Variants in NRG1 observed in about 807,000 individuals in gnomAD.
The protein encoded by NRG1 is pro-neuregulin-1, membrane-bound isoform.
Under a neutral mutation model 63.8 loss-of-function variants are expected in NRG1, and 18 were observed. The observed-to-expected ratio is 0.28, with a 90% CI of 0.19 to 0.42. NRG1 has a LOEUF of 0.42. Among genes scored for constraint, NRG1 ranks in the 10% least tolerant of loss-of-function variants. The pLI is 1.00. For synonymous variants in NRG1, 302 were observed against 301.3 expected, an observed-to-expected ratio of 1.00 and a Z score of -0.02; for missense variants, 762 against 814.7, an observed-to-expected ratio of 0.94 and a Z score of 0.79.
chr8:32,085,849 G>A (rs1381875), intron 1 of NRG1, among the ~76,000 whole-genome samples: 46,619 of 152,162 alleles, frequency 0.31, 7,795 homozygotes, highest in East Asian at 0.68. Context: ...GAAGTCTGAA[G>A]TCATCAGCTT....
intron 1 of NRG1, among the ~76,000 whole-genome samples, chr8:31,928,352 TAAAA>T (rs77001238): frequency 7.1e-4 from 57 of 80,112 alleles, no homozygotes; most frequent in African/African-American, 2.6e-3. Context: ...ATGGATGTGG[TAAAA>T]AAAAAAAAAA....
intron 1 of NRG1, among the ~76,000 whole-genome samples, chr8:31,797,584 A>G (rs1220465003): frequency 6.6e-6 from 1 of 152,244 alleles, no homozygotes; most frequent in Non-Finnish European, 1.5e-5. Flanking sequence ...TAGAACTACC[A>G]TATGATCCAA....
chr8:32,010,621 A>G (rs976750669), intron 1 of NRG1, among the ~76,000 whole-genome samples: 4 of 152,072 alleles, frequency 2.6e-5, no homozygotes, highest in African/African-American at 9.7e-5. Context: ...TAAAGTGTCA[A>G]TCAGTCAAAT....
At chr8:32,764,392 T>C (rs1831250007) in exon 12 of NRG1, 4 of 1,576,510 alleles carry the variant, frequency 2.5e-6, no homozygotes, top group Non-Finnish European at 2.6e-6. Flanking sequence ...CAAGACCCTA[T>C]TGCTGTATAA....
chr8:32,656,760 A>G (rs1394677050), intron 5 of NRG1, among the ~76,000 whole-genome samples: 2 of 152,206 alleles, frequency 1.3e-5, no homozygotes, highest in Non-Finnish European at 2.9e-5. Context: ...AATCTAGAGT[A>G]TGTTTTGCCT....
Position 32,463,874 on chromosome 8 carries a change from C to CTTTT in NRG1, c.38-131918_38-131915dup, listed in dbSNP as rs756489856. On this transcript the variant is annotated intron_variant, in intron 1 of 10. Transcript: ENST00000519301. ...ACACACACGAAAAAAACTTAGAATT[C>CTTTT]TTTTTTTTTTTTTTTTTTTTTTTTT... Among the ~76,000 whole-genome samples, 259 of 42,336 alleles carry CTTTT rather than the reference C, an allele frequency of 6.1e-3. 52 individuals are homozygous for CTTTT. Among genetic ancestry groups the CTTTT allele is most frequent in the Middle Eastern group, 0.021 (1 of 48 alleles). The allele number at this position is 42,336 out of a possible 152,430, so 27.8% of individuals were successfully genotyped here.
At chr8:32,475,820 C>A in intron 1 of NRG1, among the ~76,000 whole-genome samples, 1 of 152,194 alleles carries the variant, frequency 6.6e-6, no homozygotes. Context: ...CTATCACTCA[C>A]AGGTTCTGTG....
intron 1 of NRG1, among the ~76,000 whole-genome samples, chr8:32,301,976 G>C (rs932965429): frequency 2.6e-5 from 4 of 152,170 alleles, no homozygotes; most frequent in African/African-American, 2.4e-5. Context: ...TGACTGGGGG[G>C]AGTGAATGTA....
chr8:32,759,415 T>C (rs897541949), exon 10 of NRG1: 7 of 1,613,414 alleles, frequency 4.3e-6, no homozygotes, highest in Admixed American at 1.7e-5. Context: ...TCCACTACTG[T>C]CACCCAGACT....
At chr8:32,280,693 T>A (rs1211544399) in intron 1 of NRG1, among the ~76,000 whole-genome samples, 1 of 81,800 alleles carries the variant, frequency 1.2e-5, no homozygotes, top group African/African-American at 6.8e-5. Context: ...TTTTTTTTGT[T>A]TTTTTTTTTT....
intron 1 of NRG1, among the ~76,000 whole-genome samples, chr8:32,282,429 G>T (rs552105075): frequency 6.6e-6 from 1 of 152,186 alleles, no homozygotes; most frequent in Non-Finnish European, 1.5e-5. Context: ...TTTACTGTCC[G>T]CCTTCCATGA....
At chr8:32,212,203 A>G (rs1844767307) in intron 1 of NRG1, among the ~76,000 whole-genome samples, 1 of 152,162 alleles carries the variant, frequency 6.6e-6, no homozygotes, top group Non-Finnish European at 1.5e-5. Context: ...TGACCATAAA[A>G]TAGGGGCAGG....
chr8:31,790,655 G>T (rs1463575859), intron 1 of NRG1, among the ~76,000 whole-genome samples: 1 of 152,160 alleles, frequency 6.6e-6, no homozygotes, highest in South Asian at 2.1e-4. Context: ...TTCAACACAT[G>T]ACTTCATTTC....
rs372403236 is a variant in NRG1 at position 32,327,619 on chromosome 8, G to A, written c.38-268209G>A. ...GTTTAACTTGGATAAAATAAGCAGAGAAATGACAAATGTGTTCACATATGT... is the reference window on the plus strand; with the variant it reads ...GTTTAACTTGGATAAAATAAGCAGAAAAATGACAAATGTGTTCACATATGT... On this transcript the variant is annotated intron_variant, in intron 1 of 10. Transcript: ENST00000519301. Among the ~76,000 whole-genome samples the A allele has an allele frequency of 4.6e-5, 7 of 152,318 alleles. 2 individuals carry two copies. The highest frequency in any genetic ancestry group is 6.5e-5 in the Admixed American group (1 of 15,298).
chr8:31,781,852 A>G (rs1819717011), intron 1 of NRG1, among the ~76,000 whole-genome samples: 1 of 152,090 alleles, frequency 6.6e-6, no homozygotes, highest in Non-Finnish European at 1.5e-5. Flanking sequence ...GGAAGAGTAA[A>G]GAATACTAAA....
chr8:32,260,783 T>C (rs1850277020), intron 1 of NRG1, among the ~76,000 whole-genome samples: 2 of 152,166 alleles, frequency 1.3e-5, no homozygotes, highest in Admixed American at 1.3e-4. Context: ...GGTAGCAGTA[T>C]ATGGCCTTCG....
chr8:32,168,784 CCATT>C (rs1430820145), intron 1 of NRG1, among the ~76,000 whole-genome samples: 1 of 152,138 alleles, frequency 6.6e-6, no homozygotes, highest in Non-Finnish European at 1.5e-5. Flanking sequence ...CCTTTGTTGA[CCATT>C]CATCCCCTTC....
intron 1 of NRG1, among the ~76,000 whole-genome samples, chr8:32,122,160 T>C (rs1422655720): frequency 6.6e-6 from 1 of 151,984 alleles, no homozygotes; most frequent in Admixed American, 6.6e-5. Flanking sequence ...TTTCAAAAGC[T>C]TTTCTTAATT....
At chr8:32,500,580 T>A (rs917197461) in intron 1 of NRG1, among the ~76,000 whole-genome samples, 3 of 152,218 alleles carry the variant, frequency 2.0e-5, no homozygotes, top group African/African-American at 7.2e-5. Flanking sequence ...TTTCCAATTG[T>A]GTTCTGTTCC....
Sources: allele counts gnomAD v4.1 joint callset (sites outside exome capture counted in the v4.1 genomes callset), GRCh38; gene constraint gnomAD v4.1.1; transcripts MANE v1.5; gene names NCBI Gene and HGNC (gene_info 2026-07-23, HGNC 2026-07-21).